The following DSTYK variants were observed in gnomAD, a reference collection of about 807,000 sequenced individuals.
DSTYK encodes RIP-homologous kinase.
Under a neutral mutation model 98.7 loss-of-function variants are expected in DSTYK, and 34 were observed. That is an observed-to-expected ratio of 0.34 (90% CI 0.26 to 0.46). The LOEUF (loss-of-function observed/expected upper bound fraction) is 0.46, where lower values mean the gene tolerates loss of function less well. Among genes scored for constraint, DSTYK ranks in the 20% least tolerant of loss-of-function variants. The pLI, the probability that DSTYK is intolerant of heterozygous loss-of-function variation, is 1.00. For synonymous variants in DSTYK, 462 were observed against 457.3 expected (o/e 1.01, Z -0.13); for missense variants, 962 against 1,181.7 (o/e 0.81, Z 2.73).
chr1:205,159,395 T>A (rs1181335619), intron 9 of DSTYK, 152 bp downstream of exon 9: 2 of 1,068,298 alleles, frequency 1.9e-6, no homozygotes, highest in Non-Finnish European at 2.6e-6. Context: ...AGCTGAGAAA[T>A]CTTTAAGGGT....
At chr1:205,184,557 G>A (rs1658511750) in intron 2 of DSTYK, among the ~76,000 whole-genome samples, 1 of 152,142 alleles carries the variant, frequency 6.6e-6, no homozygotes, top group Non-Finnish European at 1.5e-5. Context: ...AGGCAACAGA[G>A]TGAGACTCCA....
At position 205,153,998 on chromosome 1, in the gene DSTYK, G is replaced by C. The variant is rs561672721; in HGVS notation, c.2353-3204C>G. ...CAAAGTGCTCGGATTACAGGCATAAGCCACTGTGCCTGGCCTTGTAACTTA... is the reference window on the plus strand; with the variant it reads ...CAAAGTGCTCGGATTACAGGCATAACCCACTGTGCCTGGCCTTGTAACTTA... On this transcript the variant is annotated intron_variant, in intron 10 of 12. Transcript: ENST00000367162. 2.7e-3 allele frequency among the ~76,000 whole-genome samples: 405 copies of C among 149,258 alleles called. 3 individuals carry two copies. Among genetic ancestry groups the C allele is most frequent in the African/African-American group, 9.3e-3 (375 of 40,512 alleles).
At chr1:205,147,841 CAGAAT>C in intron 12 of DSTYK, 96 bp from the exon 13 acceptor site, 1 of 1,268,088 alleles carries the variant, frequency 7.9e-7, no homozygotes, top group Non-Finnish European at 1.1e-6. Flanking sequence ...CAGTGGGGCT[CAGAAT>C]ACTAAGAATG....
Position 205,211,334 on chromosome 1 carries a change from T to C in DSTYK, c.202A>G (p.Thr68Ala), listed in dbSNP as rs753122153. Residue 68 changes from threonine (T) to alanine (A), a missense_variant, in exon 1 of 13, where the codon ACG becomes GCG. Physicochemically the swap from Thr to Ala is moderately conservative, Grantham distance 58 (BLOSUM62 0). Around this residue, in one of 4 missense-constraint regions of DSTYK, gnomAD observed 168 missense variants for 120.0 expected, o/e 1.40. Coordinates refer to ENST00000367162, the MANE Select transcript of DSTYK (RefSeq NM_015375.3). ...SHNHTCLSSL[T>A]GGGGAERGPA... ...CCGCGCTCGGCCCCGCCGCCGCCCGTGAGGGAGGAGAGACAAGTGTGGTTG... is the reference window on the plus strand; with the variant it reads ...CCGCGCTCGGCCCCGCCGCCGCCCGCGAGGGAGGAGAGACAAGTGTGGTTG... 6.2e-7 allele frequency: 1 copy of C among 1,611,332 alleles called. No individual in the cohort carries two copies. The highest frequency in any genetic ancestry group is 1.7e-5 in the Admixed American group (1 of 59,840).
chr1:205,187,463 A>C lies in DSTYK; in HGVS notation c.609T>G (p.His203Gln), dbSNP rs748982270. Reference protein sequence around the residue: ...EVQENNEDAAHVLAELEVTMH... With the variant: ...EVQENNEDAAQVLAELEVTMH... Reference sequence around the variant, plus strand: ...TCGTTACCTCCAGTTCCGCTAAAACATGAGCAGCATCCTCATTGTTCTCTT... The same window carrying C: ...TCGTTACCTCCAGTTCCGCTAAAACCTGAGCAGCATCCTCATTGTTCTCTT... The change falls in exon 2 of 13, where the codon CAT becomes CAG. Residue 203 changes from histidine (H) to glutamine (Q), a missense_variant. By Grantham distance (24) the His-to-Gln change is conservative. Transcript: ENST00000367162. 8.7e-6 allele frequency: 14 copies of C among 1,614,024 alleles called. No homozygotes were observed. The Middle Eastern group carries it at 1.5e-3, about 171-fold the overall frequency.
At position 205,143,916 on chromosome 1, in the gene DSTYK, G is replaced by A. The variant is rs950315855; in HGVS notation, c.*3642C>T. On this transcript the variant is annotated 3_prime_UTR_variant, in exon 13 of 13. Transcript: ENST00000367162. ...TAGGAGAATCTGCTGCCTAGGCTCTGTCCCCTTGAAGTTGATGGAGTCAAA... is the reference window on the plus strand; with the variant it reads ...TAGGAGAATCTGCTGCCTAGGCTCTATCCCCTTGAAGTTGATGGAGTCAAA... 6.6e-6 allele frequency: 1 copy of A among 152,632 alleles called. No homozygotes were observed. Among genetic ancestry groups the A allele is most frequent in the Admixed American group, 6.5e-5 (1 of 15,290 alleles). The allele number at this position is 152,632 out of a possible 1,614,324, so 9.5% of individuals were successfully genotyped here.
At chr1:205,188,068 T>C (rs754308729) in intron 1 of DSTYK, among the ~76,000 whole-genome samples, 8 of 152,156 alleles carry the variant, frequency 5.3e-5, no homozygotes, top group South Asian at 2.1e-4. Context: ...GGGAGTGACC[T>C]GATCTTCCCG....
intron 2 of DSTYK, among the ~76,000 whole-genome samples, chr1:205,179,520 C>T (rs11807090): frequency 6.6e-6 from 1 of 151,026 alleles, no homozygotes; most frequent in African/African-American, 2.4e-5. Flanking sequence ...ATTTGGGAGG[C>T]TGAGGCAGGA....
Position 205,150,678 on chromosome 1 carries a change from ACCTGTGAAAAGTT to A in DSTYK, c.2456_2467+1del. 1.9e-6 allele frequency: 3 copies of A among 1,612,078 alleles called. No homozygotes were observed. The highest frequency in any genetic ancestry group is 8.5e-7 in the Non-Finnish European group (1 of 1,178,602). ...GACCCACTGCCTGCCCTCCAGCCTT[ACCTGTGAAAAGTT>A]CAGGGGCCATATGGATTGGTGTCCC... On this transcript the variant is annotated splice_donor_variant and coding_sequence_variant, in exon 11 of 13. Transcript: ENST00000367162. LOFTEE classifies it high-confidence loss of function. This position sits in a 1 kb window ranked among gnomAD's most constrained non-coding sequence, Gnocchi z 4.1.
intron 10 of DSTYK, among the ~76,000 whole-genome samples, chr1:205,153,982 C>T (rs750329631): frequency 1.1e-4 from 17 of 149,856 alleles, no homozygotes; most frequent in Non-Finnish European, 1.2e-4. Context: ...CCAAAGTGCT[C>T]GGATTACAGG....
rs1657200920 is a variant in DSTYK, at chr1:205,145,529, T to TTG, written c.*2028_*2029insCA. 7.6e-6 allele frequency: 1 copy of TTG among 132,340 alleles called. No homozygotes were observed. The highest frequency in any genetic ancestry group is 1.7e-5 in the Non-Finnish European group (1 of 60,082). 8.2% of individuals were successfully genotyped at this position (132,340 alleles called of 1,614,324 possible). On this transcript the variant is annotated 3_prime_UTR_variant, in exon 13 of 13. Transcript: ENST00000367162. Reference sequence around the variant, plus strand: ...TGCGACTCATCTTTGTTTTTTGTTTTTTTTTTTGTTTTTTTTTGAGATAGA... The same window carrying TTG: ...TGCGACTCATCTTTGTTTTTTGTTTTTGTTTTTTTGTTTTTTTTTGAGATAGA...
intron 3 of DSTYK, among the ~76,000 whole-genome samples, chr1:205,168,351 G>A (rs555747077): frequency 6.6e-6 from 1 of 152,250 alleles, no homozygotes; most frequent in African/African-American, 2.4e-5. Context: ...CTCTTTCTAA[G>A]CCTTAGTCCC....
intron 1 of DSTYK, among the ~76,000 whole-genome samples, chr1:205,193,478 T>C (rs1658772043): frequency 6.6e-6 from 1 of 152,138 alleles, no homozygotes; most frequent in African/African-American, 2.4e-5. Context: ...AGAAGCAAGG[T>C]TGCTCTCTGA....
In DSTYK at chr1:205,163,904, C is replaced by G. The variant is rs1191258180; in HGVS notation, c.1376G>C (p.Cys459Ser). 4 of 1,614,040 alleles carry G rather than the reference C, an allele frequency of 2.5e-6. No homozygotes were observed. The highest frequency in any genetic ancestry group is 3.4e-6 in the Non-Finnish European group (4 of 1,180,032). The part of the protein sequence containing the change: ...GEPVGTREIK[C>S]CIRQIQELII... Reference sequence around the variant, plus strand: ...GAGTTCCTGGATCTGTCGGATGCAGCATTTGATCTCTCTGGTGCCTACTGG... The same window carrying G: ...GAGTTCCTGGATCTGTCGGATGCAGGATTTGATCTCTCTGGTGCCTACTGG... Residue 459 changes from cysteine to serine, a missense_variant, in exon 4 of 13, where the codon TGC becomes TCC. By Grantham distance (112) the Cys-to-Ser change is moderately radical. Transcript: ENST00000367162.
At chr1:205,185,164 G>A (rs894052747) in intron 2 of DSTYK, among the ~76,000 whole-genome samples, 1 of 152,040 alleles carries the variant, frequency 6.6e-6, no homozygotes, top group African/African-American at 2.4e-5. Flanking sequence ...CTGCGCTACT[G>A]TACTCCAGCC....
In DSTYK at chr1:205,145,652, C is replaced by G. The variant is rs938078463; in HGVS notation, c.*1906G>C. 1 of 152,016 alleles carries G rather than the reference C, an allele frequency of 6.6e-6. No individual in the cohort carries two copies. The highest frequency in any genetic ancestry group is 2.4e-5 in the African/African-American group (1 of 41,320). The allele number at this position is 152,016 out of a possible 1,614,324, so 9.4% of individuals were successfully genotyped here. A position where few individuals can be genotyped will look rare whatever the true frequency, so the allele number is the denominator to read the frequency against. ...CAAGTGATTCTCCTGCCTCAGCCTC[C>G]CAAGTAGCTGGGATTACTGGTGCGT... On this transcript the variant is annotated 3_prime_UTR_variant, in exon 13 of 13. Coordinates refer to ENST00000367162, the MANE Select transcript of DSTYK (RefSeq NM_015375.3).
chr1:205,187,440 G>A lies in DSTYK; in HGVS notation c.632C>T (p.Thr211Met), dbSNP rs563828272. Residue 211 changes from threonine to methionine, a missense_variant, in exon 2 of 13, where the codon ACG (threonine) becomes ATG (methionine). Around this residue, in one of 4 missense-constraint regions of DSTYK, gnomAD observed 660 missense variants for 855.0 expected, o/e 0.77. Coordinates refer to ENST00000367162, the MANE Select transcript of DSTYK (RefSeq NM_015375.3). ...TACCTGTAAGAGAGCATGGTGCATC[G>A]TTACCTCCAGTTCCGCTAAAACATG... The part of the protein sequence containing the change: ...AAHVLAELEV[T>M]MHHALLQEVD... 1.2e-5 allele frequency: 19 copies of A among 1,612,512 alleles called. No individual in the cohort carries two copies. The highest frequency in any genetic ancestry group is 9.3e-5 in the African/African-American group (7 of 75,012).
At chr1:205,204,626 G>A (rs1266009779) in intron 1 of DSTYK, among the ~76,000 whole-genome samples, 1 of 152,126 alleles carries the variant, frequency 6.6e-6, no homozygotes. Flanking sequence ...CCCCTTTTAA[G>A]TGTACAATTC....
At chr1:205,202,555 C>CCAT in intron 1 of DSTYK, 1 of 950,564 alleles carries the variant, frequency 1.1e-6, no homozygotes. Context: ...GAACAAAGCA[C>CCAT]CTAAGATGCG....
Sources: gnomAD v4.1 joint callset for allele counts (sites outside exome capture counted in the v4.1 genomes callset) on GRCh38, gnomAD v4.1.1 for gene constraint, gnomAD v4.1.1 regional missense constraint, Gnocchi (gnomAD v3.1) non-coding constraint, MANE v1.5 for transcripts, NCBI Gene and HGNC (gene_info 2026-07-23, HGNC 2026-07-21) for gene names.